The following RNF149 variants were observed in gnomAD, a reference collection of about 807,000 sequenced individuals.
The protein encoded by RNF149 is ring finger protein 149, also known as E3 ubiquitin-protein ligase RNF149.
A neutral mutation model predicts 39.0 loss-of-function variants in RNF149; 21 were observed. That is an observed-to-expected ratio of 0.54 (90% CI 0.38 to 0.77). The LOEUF is 0.77. Among genes scored for constraint, RNF149 ranks in the 30% least tolerant of loss-of-function variants. The probability of loss-of-function intolerance (pLI) is 0.00; values close to 1 mark genes in which losing one functional copy is unlikely to be tolerated. For synonymous variants in RNF149, 209 were observed against 213.6 expected, an observed-to-expected ratio of 0.98 and a Z score of 0.19; for missense variants, 493 against 534.9, an observed-to-expected ratio of 0.92 and a Z score of 0.77.
intron 1 of RNF149, among the ~76,000 whole-genome samples, chr2:101,305,883 A>C (rs1683637873): frequency 1.3e-5 from 2 of 152,220 alleles, no homozygotes; most frequent in African/African-American, 4.8e-5. Flanking sequence ...GCTGTTGGGA[A>C]GAGTGAGTCA....
downstream of RNF149, chr2:101,273,476 CTTTTTTT>C (rs937334137): frequency 6.3e-5 from 22 of 350,648 alleles, no homozygotes; most frequent in Admixed American, 1.1e-4. Flanking sequence ...ATATTTGTTT[CTTTTTTT>C]TTTTTTTTTT....
intron 6 of RNF149, among the ~76,000 whole-genome samples, chr2:101,281,255 T>A (rs951582908): frequency 2.0e-5 from 3 of 152,106 alleles, no homozygotes; most frequent in African/African-American, 7.2e-5. Context: ...TATCTATTTA[T>A]CAACATAGAA....
At chr2:101,292,014 A>G (rs1441647063) in intron 3 of RNF149, among the ~76,000 whole-genome samples, 1 of 152,220 alleles carries the variant, frequency 6.6e-6, no homozygotes, top group Non-Finnish European at 1.5e-5. Flanking sequence ...GCCTACCATA[A>G]ACATGCTCAG....
At chr2:101,272,719 A>G (rs1269934709), downstream of RNF149, 6 of 347,862 alleles carry the variant, frequency 1.7e-5, no homozygotes, top group Non-Finnish European at 3.4e-5. Flanking sequence ...TTATAATTTC[A>G]GCCTTCATTG....
intron 2 of RNF149, 154 bp from the exon 3 acceptor site, chr2:101,294,236 C>T: frequency 2.0e-6 from 1 of 512,430 alleles, no homozygotes; most frequent in South Asian, 2.7e-5. Context: ...CTTTTAATGG[C>T]AAAACTGCGA....
chr2:101,306,158 A>C (rs552017831), intron 1 of RNF149, among the ~76,000 whole-genome samples: 2 of 152,334 alleles, frequency 1.3e-5, no homozygotes, highest in Admixed American at 1.3e-4. Context: ...AAGTGCTATT[A>C]GCCCAAAAAG....
chr2:101,289,330 A>G (rs1270335069), intron 3 of RNF149, among the ~76,000 whole-genome samples: 3 of 152,236 alleles, frequency 2.0e-5, no homozygotes, highest in African/African-American at 7.2e-5. Context: ...TATTTCATAT[A>G]TTTAGCCATG....
Position 101,275,811 on chromosome 2 carries a change from T to C in RNF149, c.*1427A>G. 1 of 975,656 alleles carries C rather than the reference T, an allele frequency of 1.0e-6. No individual in the cohort carries two copies. The highest frequency in any genetic ancestry group is 1.2e-6 in the Non-Finnish European group (1 of 821,006). The allele number at this position is 975,656 out of a possible 1,614,324, so 60.4% of individuals were successfully genotyped here. On this transcript the variant is annotated 3_prime_UTR_variant, in exon 7 of 7. Transcript: ENST00000295317. ...CAGAATCAGGATGTATTTTCCTATT[T>C]ATAATAAACTACAGAAGGTAGATTT...
intron 1 of RNF149, among the ~76,000 whole-genome samples, chr2:101,306,593 C>T (rs1460733899): frequency 2.0e-5 from 3 of 152,188 alleles, no homozygotes; most frequent in Non-Finnish European, 2.9e-5. Flanking sequence ...CTGGACTCAG[C>T]CTTCTTGCCT....
At chr2:101,293,512 C>G (rs569924390) in intron 3 of RNF149, among the ~76,000 whole-genome samples, 7 of 152,338 alleles carry the variant, frequency 4.6e-5, no homozygotes, top group Middle Eastern at 3.4e-3. Flanking sequence ...TGATTTCGAA[C>G]TTTTAAGTGT....
In RNF149 at chr2:101,301,033, T is replaced by C. The variant is rs562392334; in HGVS notation, c.461-5852A>G. On this transcript the variant is annotated intron_variant, in intron 1 of 6. Transcript: ENST00000295317. Reference sequence around the variant, plus strand: ...ACCAAATCACAGCTTATTTCCAAACTAAATGACTGGATTTCGTCACAGAAA... The same window carrying C: ...ACCAAATCACAGCTTATTTCCAAACCAAATGACTGGATTTCGTCACAGAAA... 2.4e-4 allele frequency among the ~76,000 whole-genome samples: 36 copies of C among 152,156 alleles called. 1 individual carries two copies. Among genetic ancestry groups the C allele is most frequent in the Non-Finnish European group, 4.4e-4 (30 of 68,024 alleles).
At chr2:101,272,797 T>G, downstream of RNF149, 1 of 410,274 alleles carries the variant, frequency 2.4e-6, no homozygotes, top group Non-Finnish European at 4.4e-6. Context: ...ACTGGGGAAT[T>G]TGGTTACATT....
intron 1 of RNF149, among the ~76,000 whole-genome samples, chr2:101,305,284 T>G (rs1245562797): frequency 6.6e-6 from 1 of 152,168 alleles, no homozygotes; most frequent in African/African-American, 2.4e-5. Flanking sequence ...TGAGCTGTCT[T>G]CAAGGCTGTC....
At position 101,276,778 on chromosome 2, in the gene RNF149, A is replaced by T. The variant is rs76463286; in HGVS notation, c.*460T>A. 6.0e-3 allele frequency: 5,930 copies of T among 990,116 alleles called. 271 individuals are homozygous for T. In the African/African-American group the frequency reaches 0.096, roughly 16 times the overall value. 61.3% of individuals were successfully genotyped at this position (990,116 alleles called of 1,614,324 possible). A position where few individuals can be genotyped will look rare whatever the true frequency, so the allele number is the denominator to read the frequency against. On this transcript the variant is annotated 3_prime_UTR_variant, in exon 7 of 7. Coordinates refer to ENST00000295317, the MANE Select transcript of RNF149 (RefSeq NM_173647.4). ...TTACAAGTTTCAAGTTCTTAAAAAA[A>T]AAACAACAAAAAAAACCTTTCCTCC...
intron 1 of RNF149, among the ~76,000 whole-genome samples, chr2:101,298,613 T>C (rs953468944): frequency 6.6e-6 from 1 of 151,984 alleles, no homozygotes; most frequent in Admixed American, 6.6e-5. Context: ...ACACACAACA[T>C]GTAAACTGTG....
intron 6 of RNF149, among the ~76,000 whole-genome samples, chr2:101,280,709 G>C (rs2104388784): frequency 6.6e-6 from 1 of 151,990 alleles, no homozygotes; most frequent in Admixed American, 6.6e-5. Flanking sequence ...AAGCTCTAAG[G>C]ATCAATATGA....
chr2:101,307,112 T>G (rs770096673), intron 1 of RNF149, among the ~76,000 whole-genome samples: 15 of 152,352 alleles, frequency 9.8e-5, no homozygotes, highest in Non-Finnish European at 1.3e-4. Flanking sequence ...AAACTATGAC[T>G]ACTGCCTGAA....
intron 6 of RNF149, among the ~76,000 whole-genome samples, chr2:101,280,906 C>T (rs867188564): frequency 2.0e-5 from 3 of 152,158 alleles, no homozygotes; most frequent in Admixed American, 6.5e-5. Context: ...TGGTGGCACA[C>T]GCCTGTGGTC....
At chr2:101,286,237 G>A (rs760952554) in intron 4 of RNF149, 60 bp from the exon 5 acceptor site, 3 of 996,682 alleles carry the variant, frequency 3.0e-6, no homozygotes, top group Non-Finnish European at 3.1e-6. Context: ...ACTTATAAAG[G>A]AAATAAGACA....
Sources: allele counts gnomAD v4.1 joint callset (sites outside exome capture counted in the v4.1 genomes callset), GRCh38; gene constraint gnomAD v4.1.1; transcripts MANE v1.5; gene names NCBI Gene and HGNC (gene_info 2026-07-23, HGNC 2026-07-21).